The following MAP3K5 variants were observed in gnomAD, a reference collection of about 807,000 sequenced individuals.
The protein encoded by MAP3K5 is mitogen-activated protein kinase kinase kinase 5.
In MAP3K5, 56 loss-of-function variants were observed where a neutral mutation model predicts 158.7. The observed-to-expected ratio is 0.35, with a 90% confidence interval of 0.28 to 0.44. The LOEUF is 0.44. Among genes scored for constraint, MAP3K5 ranks in the 20% least tolerant of loss-of-function variants. The pLI is 1.00. For missense variants in MAP3K5, 1,294 were observed against 1,674.8 expected (o/e 0.77, Z 3.97); for synonymous variants, 579 against 601.7 (o/e 0.96, Z 0.55).
intron 19 of MAP3K5, among the ~76,000 whole-genome samples, chr6:136,603,341 T>A (rs1482244824): frequency 2.1e-5 from 3 of 142,264 alleles, no homozygotes; most frequent in Non-Finnish European, 4.6e-5. Flanking sequence ...CCCCCCTAAT[T>A]TTTTTTTTTT....
chr6:136,734,739 A>G (rs577224898), intron 1 of MAP3K5, among the ~76,000 whole-genome samples: 1 of 152,186 alleles, frequency 6.6e-6, no homozygotes, highest in South Asian at 2.1e-4. Context: ...GGTCTCTCAT[A>G]TTTAGTTTTA....
intron 11 of MAP3K5, among the ~76,000 whole-genome samples, chr6:136,643,124 CA>C (rs879726169): frequency 2.0e-5 from 3 of 152,032 alleles, no homozygotes; most frequent in Non-Finnish European, 4.4e-5. Context: ...CTAATTTATG[CA>C]AAATTCCATA....
At chr6:136,709,125 T>C (rs960592962) in intron 2 of MAP3K5, among the ~76,000 whole-genome samples, 3 of 152,232 alleles carry the variant, frequency 2.0e-5, no homozygotes, top group African/African-American at 7.2e-5. Flanking sequence ...TTTGTTCCTA[T>C]GATTCTCTCA....
chr6:136,615,144 G>C (rs145331900), intron 15 of MAP3K5, among the ~76,000 whole-genome samples: 1 of 152,300 alleles, frequency 6.6e-6, no homozygotes, highest in East Asian at 1.9e-4. Flanking sequence ...TTATTGTACA[G>C]CTTGCCAAAG....
rs538768390 is a variant in MAP3K5 at position 136,659,477 on chromosome 6, C to G, written c.1367-99G>C. ...AAAATTAAGCTTTCATTCCTCTTTTCAGATTAAAACAGCTTTGTTAAGTTT... is the reference window on the plus strand; with the variant it reads ...AAAATTAAGCTTTCATTCCTCTTTTGAGATTAAAACAGCTTTGTTAAGTTT... On this transcript the variant is annotated intron_variant, in intron 8 of 29. Coordinates refer to ENST00000359015, the MANE Select transcript of MAP3K5 (RefSeq NM_005923.4). 1.9e-5 allele frequency: 20 copies of G among 1,057,260 alleles called. No homozygotes were observed. The South Asian group carries it at 3.0e-4, about 16-fold the overall frequency. 65.5% of individuals were successfully genotyped at this position (1,057,260 alleles called of 1,614,324 possible).
intron 23 of MAP3K5, 88 bp from the exon 24 acceptor site, chr6:136,583,828 A>AG (rs1774996553): frequency 4.0e-6 from 5 of 1,247,600 alleles, no homozygotes; most frequent in Non-Finnish European, 5.6e-6. Flanking sequence ...CTGCCCCCAC[A>AG]TTTTTTTTTC....
chr6:136,660,966 T>C (rs1307533835), intron 8 of MAP3K5, among the ~76,000 whole-genome samples: 1 of 152,052 alleles, frequency 6.6e-6, no homozygotes, highest in Non-Finnish European at 1.5e-5. Flanking sequence ...TTTTCCTTAA[T>C]CAAACTCAGA....
chr6:136,770,378 C>T (rs1424930412), intron 1 of MAP3K5, among the ~76,000 whole-genome samples: 1 of 152,076 alleles, frequency 6.6e-6, no homozygotes, highest in East Asian at 1.9e-4. Flanking sequence ...ATTTTTCATA[C>T]AAATAACTGA....
intron 1 of MAP3K5, among the ~76,000 whole-genome samples, chr6:136,730,549 G>A (rs544801443): frequency 2.6e-4 from 40 of 151,658 alleles, no homozygotes; most frequent in African/African-American, 9.2e-4. Flanking sequence ...GTAAAACCCC[G>A]TCTCCACTAA....
intron 7 of MAP3K5, among the ~76,000 whole-genome samples, chr6:136,671,284 A>G (rs1709902269): frequency 6.6e-6 from 1 of 152,226 alleles, no homozygotes; most frequent in South Asian, 2.1e-4. Flanking sequence ...ACCTAAATGA[A>G]TATTTGGGTT....
At chr6:136,789,675 C>CTTT (rs57162918) in intron 1 of MAP3K5, among the ~76,000 whole-genome samples, 5 of 78,754 alleles carry the variant, frequency 6.3e-5, no homozygotes, top group Non-Finnish European at 1.1e-4. Flanking sequence ...AGCACAACCT[C>CTTT]TTTTTTTTTT....
intron 14 of MAP3K5, among the ~76,000 whole-genome samples, chr6:136,626,710 G>A (rs1583294861): frequency 1.3e-5 from 2 of 151,868 alleles, no homozygotes; most frequent in South Asian, 4.2e-4. Context: ...CCTCTCAAAG[G>A]ATTAGAAACC....
intron 1 of MAP3K5, among the ~76,000 whole-genome samples, chr6:136,727,823 G>A (rs1434728532): frequency 6.6e-6 from 1 of 152,012 alleles, no homozygotes; most frequent in African/African-American, 2.4e-5. Flanking sequence ...TTAGCCGGGC[G>A]TGGTGGCAGG....
chr6:136,649,190 G>A (rs745737596), intron 11 of MAP3K5, among the ~76,000 whole-genome samples: 46 of 152,032 alleles, frequency 3.0e-4, no homozygotes, highest in Non-Finnish European at 3.7e-4. Context: ...GGCTGATCTC[G>A]AACTCCTGAC....
intron 8 of MAP3K5, among the ~76,000 whole-genome samples, chr6:136,659,839 A>G (rs1778927946): frequency 6.6e-6 from 1 of 152,242 alleles, no homozygotes; most frequent in South Asian, 2.1e-4. Context: ...ATGCCACTGA[A>G]GCGTGCACTT....
chr6:136,617,010 A>G (rs1390262881), intron 15 of MAP3K5, among the ~76,000 whole-genome samples: 2 of 152,050 alleles, frequency 1.3e-5, no homozygotes, highest in Non-Finnish European at 2.9e-5. Context: ...GCACCACCAT[A>G]CCGGGCCCTC....
chr6:136,695,919 A>G (rs888841369), intron 6 of MAP3K5, 32 bp downstream of exon 6: 6 of 1,295,680 alleles, frequency 4.6e-6, no homozygotes, highest in Non-Finnish European at 3.4e-6. Context: ...TAATATGTTA[A>G]CGCATTCTGG....
At chr6:136,757,867 A>G (rs1377703801) in intron 1 of MAP3K5, among the ~76,000 whole-genome samples, 2 of 152,180 alleles carry the variant, frequency 1.3e-5, no homozygotes, top group Admixed American at 1.3e-4. Flanking sequence ...TCCAGGCATG[A>G]GCCACTGTGC....
chr6:136,766,236 A>G (rs187725953), intron 1 of MAP3K5, among the ~76,000 whole-genome samples: 39 of 152,338 alleles, frequency 2.6e-4, no homozygotes, highest in Middle Eastern at 3.4e-3. Flanking sequence ...GTTCTATGGA[A>G]TAAACTTCTG....
Sources: gnomAD v4.1 joint callset for allele counts (sites outside exome capture counted in the v4.1 genomes callset) on GRCh38, gnomAD v4.1.1 for gene constraint, MANE v1.5 for transcripts, NCBI Gene and HGNC (gene_info 2026-07-23, HGNC 2026-07-21) for gene names.